PSD3: variants seen among roughly 807,000 people sequenced by gnomAD.
PSD3 encodes pleckstrin and Sec7 domain containing 3.
PSD3 carries 49 observed loss-of-function variants against 105.5 expected under a neutral mutation model. The ratio of observed to expected loss-of-function variants is 0.46; its 90% CI spans 0.37 to 0.59. PSD3 has a LOEUF of 0.59. PSD3 is among the 20% of genes least tolerant of loss of function. The probability of loss-of-function intolerance (pLI) is 0.00; values close to 1 mark genes in which losing one functional copy is unlikely to be tolerated. For missense variants in PSD3, 1,561 were observed against 1,263.8 expected (o/e 1.24, Z -3.57); for synonymous variants, 557 against 457.8 (o/e 1.22, Z -2.77).
At chr8:18,607,675 C>T (rs1419350450) in intron 11 of PSD3, among the ~76,000 whole-genome samples, 30 of 110,496 alleles carry the variant, frequency 2.7e-4, no homozygotes, top group Non-Finnish European at 8.9e-5. Flanking sequence ...AACAAGACTC[C>T]ACTGCTACAA....
intron 1 of PSD3, among the ~76,000 whole-genome samples, chr8:19,007,567 C>A (rs1826750279): frequency 2.0e-5 from 3 of 151,980 alleles, no homozygotes; most frequent in African/African-American, 7.2e-5. Flanking sequence ...CTATAAAGTT[C>A]ACAAGTTCTG....
intron 9 of PSD3, among the ~76,000 whole-genome samples, chr8:18,722,794 T>A (rs535738483): frequency 6.6e-6 from 1 of 152,148 alleles, no homozygotes; most frequent in Non-Finnish European, 1.5e-5. Context: ...CATCTATCTA[T>A]AGAGCCCATT....
Position 18,533,008 on chromosome 8 carries a change from G to A in PSD3, c.*2735C>T, listed in dbSNP as rs1293447544. 1 of 152,336 alleles carries A rather than the reference G, an allele frequency of 6.6e-6. No homozygotes were observed. The highest frequency in any genetic ancestry group is 1.5e-5 in the Non-Finnish European group (1 of 68,086). 9.4% of individuals were successfully genotyped at this position (152,336 alleles called of 1,614,324 possible). A position where few individuals can be genotyped will look rare whatever the true frequency, so the allele number is the denominator to read the frequency against. ...GGAGGTGGGTGGCGTACCTTCAGAG[G>A]AAAGGGAAGGGGTGCTCCCTTGTAC... On this transcript the variant is annotated 3_prime_UTR_variant, in exon 16 of 16. Coordinates refer to ENST00000327040, the MANE Select transcript of PSD3 (RefSeq NM_015310.4).
intron 2 of PSD3, among the ~76,000 whole-genome samples, chr8:18,931,317 C>A (rs771328021): frequency 2.0e-5 from 3 of 151,910 alleles, no homozygotes; most frequent in Non-Finnish European, 4.4e-5. Flanking sequence ...ACATATGATT[C>A]ACTTTACCTT....
At chr8:18,800,780 C>G (rs1188410027) in intron 7 of PSD3, among the ~76,000 whole-genome samples, 1 of 152,218 alleles carries the variant, frequency 6.6e-6, no homozygotes, top group African/African-American at 2.4e-5. Flanking sequence ...CACAGCGCAA[C>G]CACCAGTGAG....
At chr8:18,818,709 G>A (rs1812434180) in intron 4 of PSD3, among the ~76,000 whole-genome samples, 1 of 152,020 alleles carries the variant, frequency 6.6e-6, no homozygotes, top group Non-Finnish European at 1.5e-5. Context: ...AGCAAAAAAA[G>A]GAAAGAAAGA....
rs559011148 is a variant in PSD3, at chr8:19,033,779, C to T, written c.324+50427G>A. ...GGATGGAATTGACACCACAGCCCCA[C>T]AAACAACTCTATAACTGTATGGATT... On this transcript the variant is annotated intron_variant, in intron 1 of 1. Transcript: ENST00000521475. 4.6e-5 allele frequency among the ~76,000 whole-genome samples: 7 copies of T among 152,154 alleles called. No homozygotes were observed. In the East Asian group the frequency reaches 1.4e-3, roughly 29 times the overall value.
intron 9 of PSD3, among the ~76,000 whole-genome samples, chr8:18,754,276 C>A (rs564428185): frequency 6.6e-6 from 1 of 151,702 alleles, no homozygotes; most frequent in African/African-American, 2.4e-5. Context: ...CCCAACTACT[C>A]GGGAGGCTAA....
chr8:18,586,611 T>C (rs986260803), intron 12 of PSD3, among the ~76,000 whole-genome samples: 1 of 152,054 alleles, frequency 6.6e-6, no homozygotes, highest in Non-Finnish European at 1.5e-5. Context: ...AAGGTGGTCT[T>C]CAAAGCCAGC....
intron 2 of PSD3, among the ~76,000 whole-genome samples, chr8:18,901,816 C>T (rs947841851): frequency 6.6e-6 from 1 of 152,160 alleles, no homozygotes; most frequent in Non-Finnish European, 1.5e-5. Flanking sequence ...TCCTGGCTGG[C>T]AGTATTTCTC....
intron 13 of PSD3, 137 bp from the exon 14 acceptor site, chr8:18,572,809 A>C: frequency 1.0e-6 from 1 of 957,994 alleles, no homozygotes; most frequent in Non-Finnish European, 1.6e-6. Flanking sequence ...CCCTGACAAA[A>C]CTTCATTAGA....
chr8:18,556,121 G>A, intron 15 of PSD3, 88 bp downstream of exon 15: 1 of 1,465,184 alleles, frequency 6.8e-7, no homozygotes, highest in Non-Finnish European at 9.2e-7. Context: ...GCCTCTCTCA[G>A]TGACACTGCA....
intron 1 of PSD3, chr8:18,940,180 C>T (rs1445132388): frequency 6.6e-6 from 1 of 152,204 alleles, no homozygotes; most frequent in South Asian, 2.1e-4. Flanking sequence ...CATTTTCTAA[C>T]AATTTTTCAG....
intron 8 of PSD3, among the ~76,000 whole-genome samples, chr8:18,768,975 G>A (rs1481132250): frequency 6.6e-6 from 1 of 152,184 alleles, no homozygotes; most frequent in Non-Finnish European, 1.5e-5. Flanking sequence ...TTGATAATTA[G>A]TTTAAAGCAC....
chr8:18,755,921 G>A (rs1393589791), intron 9 of PSD3, among the ~76,000 whole-genome samples: 1 of 152,080 alleles, frequency 6.6e-6, no homozygotes, highest in African/African-American at 2.4e-5. Flanking sequence ...GCGAAAGCAG[G>A]CTGCCAGACC....
At chr8:19,011,435 G>C (rs1357105102) in intron 1 of PSD3, among the ~76,000 whole-genome samples, 1 of 152,170 alleles carries the variant, frequency 6.6e-6, no homozygotes, top group African/African-American at 2.4e-5. Flanking sequence ...CATCAGGGCT[G>C]GCAAACAAAT....
chr8:18,699,090 G>A (rs909288947), intron 9 of PSD3, among the ~76,000 whole-genome samples: 1 of 152,106 alleles, frequency 6.6e-6, no homozygotes, highest in South Asian at 2.1e-4. Flanking sequence ...ATGGTACAGG[G>A]TTGTTTCTGG....
intron 1 of PSD3, among the ~76,000 whole-genome samples, chr8:18,961,309 T>C (rs1823901277): frequency 1.3e-5 from 2 of 152,118 alleles, no homozygotes; most frequent in African/African-American, 2.4e-5. Context: ...ACTAACACAA[T>C]GACACAGCAA....
At chr8:18,775,012 G>A in intron 8 of PSD3, 1 of 455,306 alleles carries the variant, frequency 2.2e-6, no homozygotes, top group Non-Finnish European at 4.4e-6. Context: ...AATCCCCTGT[G>A]CCCCTCCTCC....
Sources: gnomAD v4.1 joint callset for allele counts (sites outside exome capture counted in the v4.1 genomes callset) on GRCh38, gnomAD v4.1.1 for gene constraint, MANE v1.5 for transcripts, NCBI Gene and HGNC (gene_info 2026-07-23, HGNC 2026-07-21) for gene names.